Variants in MOK observed in about 807,000 individuals in gnomAD.
MOK encodes MOK protein kinase, also known as MAPK/MAK/MRK overlapping kinase.
MOK carries 59 observed loss-of-function variants against 54.2 expected under a neutral mutation model. The ratio of observed to expected loss-of-function variants is 1.09; its 90% CI spans 0.88 to 1.35. The LOEUF is 1.35. MOK is among the 40% of genes most tolerant of loss of function. The probability of loss-of-function intolerance (pLI) is 0.00; values close to 1 mark genes in which losing one functional copy is unlikely to be tolerated. For synonymous variants in MOK, 210 were observed against 202.7 expected, an observed-to-expected ratio of 1.04 and a Z score of -0.31; for missense variants, 517 against 526.2, an observed-to-expected ratio of 0.98 and a Z score of 0.17.
chr14:102,234,305 C>T (rs539834761), intron 7 of MOK, among the ~76,000 whole-genome samples: 49 of 151,996 alleles, frequency 3.2e-4, no homozygotes, highest in African/African-American at 1.0e-3. Context: ...TCCCCTTCCC[C>T]GAACCTGCCA....
downstream of MOK, chr14:102,226,262 G>T (rs557020354): frequency 8.7e-6 from 6 of 687,312 alleles, 1 homozygote; most frequent in South Asian, 9.3e-5. The surrounding 1 kb of genome is among the most constrained non-coding windows in gnomAD (Gnocchi z 4.8). Context: ...TCAGGAGGGT[G>T]AGGTGGGTGG....
intron 4 of MOK, among the ~76,000 whole-genome samples, chr14:102,252,332 G>A (rs1186207621): frequency 5.9e-5 from 9 of 152,006 alleles, no homozygotes; most frequent in African/African-American, 1.2e-4. Flanking sequence ...GCGGGTGCCT[G>A]TAATCTCAGC....
At chr14:102,258,774 T>C (rs1365582261) in intron 4 of MOK, among the ~76,000 whole-genome samples, 1 of 152,230 alleles carries the variant, frequency 6.6e-6, no homozygotes, top group Non-Finnish European at 1.5e-5. Context: ...CACTACACTA[T>C]ATACTCTTTC....
chr14:102,221,169 C>T (rs775768305), downstream of MOK, among the ~76,000 whole-genome samples: 2 of 152,160 alleles, frequency 1.3e-5, no homozygotes, highest in South Asian at 2.1e-4. This position sits in a 1 kb window ranked among gnomAD's most constrained non-coding sequence, Gnocchi z 4.8. Flanking sequence ...CCTGGCACTC[C>T]GTGAAAGGGG....
intron 2 of MOK, among the ~76,000 whole-genome samples, chr14:102,268,150 G>A (rs2068060417): frequency 6.6e-6 from 1 of 152,094 alleles, no homozygotes; most frequent in Admixed American, 6.6e-5. Flanking sequence ...CTTCTCCTCT[G>A]TAATAGGAAA....
Position 102,236,312 on chromosome 14 carries a change from T to A in MOK, c.591-2523A>T, listed in dbSNP as rs144324931. On this transcript the variant is annotated intron_variant, in intron 7 of 11. Coordinates refer to ENST00000361847, the MANE Select transcript of MOK (RefSeq NM_014226.3). The surrounding 1 kb of genome is among the most constrained non-coding windows in gnomAD (Gnocchi z 4.5). ...AGTAGCAGGTAAGCCGATCTCTTTT[T>A]AAATTGATAGCGGGGCCACCTACTC... Among the ~76,000 whole-genome samples, 1 of 152,360 alleles carries A rather than the reference T, an allele frequency of 6.6e-6. No individual in the cohort carries two copies. Among genetic ancestry groups the A allele is most frequent in the East Asian group, 1.9e-4 (1 of 5,192 alleles).
In MOK at chr14:102,249,360, C is replaced by T. The variant is rs1342584961; in HGVS notation, c.590+1452G>A. Among the ~76,000 whole-genome samples the T allele has an allele frequency of 6.6e-6, 1 of 152,066 alleles. No individual in the cohort carries two copies. The highest frequency in any genetic ancestry group is 2.4e-5 in the African/African-American group (1 of 41,386). On this transcript the variant is annotated intron_variant, in intron 7 of 11. Transcript: ENST00000361847. The surrounding 1 kb of genome is among the most constrained non-coding windows in gnomAD (Gnocchi z 5.3). ...GTCAGGTTTTGTCAACAAATGAGTC[C>T]CAAGAAACCTTTTGGTTTCCAGAGC...
Position 102,283,530 on chromosome 14 carries a change from G to C in MOK, c.70C>G (p.Leu24Val). ...CATGCATAGTAGTTTCCATCTCTCA[G>C]GCTTTGCATCTTCATAACTTCAGAA... ...TFSEVMKMQS[L>V]RDGNYYACKQ... The change falls in exon 2 of 12, where the codon CTG becomes GTG. Residue 24 changes from leucine (L) to valine (V), a missense_variant. Leu to Val is a conservative substitution (Grantham distance 32). Coordinates refer to ENST00000361847, the MANE Select transcript of MOK (RefSeq NM_014226.3). 6.2e-7 allele frequency: 1 copy of C among 1,612,530 alleles called. No individual in the cohort carries two copies. The highest frequency in any genetic ancestry group is 8.5e-7 in the Non-Finnish European group (1 of 1,179,784).
intron 1 of MOK, among the ~76,000 whole-genome samples, chr14:102,298,720 G>C (rs572497113): frequency 6.6e-6 from 1 of 152,168 alleles, no homozygotes; most frequent in Non-Finnish European, 1.5e-5. Flanking sequence ...ACATGCTCCA[G>C]TCCCCTTCCA....
intron 4 of MOK, among the ~76,000 whole-genome samples, chr14:102,257,933 C>T (rs566946576): frequency 1.3e-4 from 19 of 150,456 alleles, no homozygotes; most frequent in Admixed American, 2.7e-4. Flanking sequence ...GCAGAGATCA[C>T]GCCACTGCAC....
intron 10 of MOK, chr14:102,229,899 GC>G: frequency 1.9e-6 from 1 of 513,094 alleles, no homozygotes; most frequent in Non-Finnish European, 3.4e-6. Context: ...GCTGAGCAGT[GC>G]GGGCGGCAAA....
At chr14:102,300,321 C>A (rs1407978025) in intron 1 of MOK, among the ~76,000 whole-genome samples, 3 of 106,848 alleles carry the variant, frequency 2.8e-5, no homozygotes, top group African/African-American at 7.5e-5. Flanking sequence ...AAAACTCTAT[C>A]TCAAAAAAAA....
downstream of MOK, among the ~76,000 whole-genome samples, chr14:102,224,273 C>G (rs1240636898): frequency 6.6e-6 from 1 of 151,924 alleles, no homozygotes; most frequent in Non-Finnish European, 1.5e-5. Flanking sequence ...ATCTCCTGAC[C>G]TCGTGATCCG....
At chr14:102,223,192 A>C (rs2064110654), downstream of MOK, 2 of 164,180 alleles carry the variant, frequency 1.2e-5, no homozygotes, top group Non-Finnish European at 2.6e-5. Context: ...ACATATATAC[A>C]TAGTGTAAAA....
chr14:102,250,694 TA>T, intron 7 of MOK, 117 bp downstream of exon 7: 2 of 1,061,022 alleles, frequency 1.9e-6, no homozygotes, highest in Non-Finnish European at 2.7e-6. Flanking sequence ...TTAAAAACAG[TA>T]AAACAGAAAG....
At chr14:102,257,368 C>T (rs977810651) in intron 4 of MOK, among the ~76,000 whole-genome samples, 2 of 152,046 alleles carry the variant, frequency 1.3e-5, no homozygotes. Context: ...GCAGGGCCAG[C>T]AGCCTGATCA....
At position 102,234,346 on chromosome 14, in the gene MOK, T is replaced by C. The variant is rs80202653; in HGVS notation, c.591-557A>G. Among the ~76,000 whole-genome samples the C allele has an allele frequency of 5.7e-3, 855 of 149,666 alleles. 18 individuals are homozygous for C. The highest frequency in any genetic ancestry group is 0.038 in the East Asian group (179 of 4,766). On this transcript the variant is annotated intron_variant, in intron 7 of 11. Coordinates refer to ENST00000361847, the MANE Select transcript of MOK (RefSeq NM_014226.3). Reference sequence around the variant, plus strand: ...CCAGACAATCTCCTAGACTCTCCCATTGCTGGTGACTTCATCCACCATCAA... The same window carrying C: ...CCAGACAATCTCCTAGACTCTCCCACTGCTGGTGACTTCATCCACCATCAA...
At chr14:102,259,012 G>A (rs1179469432) in intron 4 of MOK, among the ~76,000 whole-genome samples, 1 of 151,484 alleles carries the variant, frequency 6.6e-6, no homozygotes, top group Non-Finnish European at 1.5e-5. Flanking sequence ...GATGCAGTGA[G>A]CTGAGATCGT....
downstream of MOK, among the ~76,000 whole-genome samples, chr14:102,221,843 A>G (rs1189780774): frequency 6.6e-6 from 1 of 152,212 alleles, no homozygotes; most frequent in Non-Finnish European, 1.5e-5. The surrounding 1 kb of genome is among the most constrained non-coding windows in gnomAD (Gnocchi z 4.8). Flanking sequence ...AACAGTACTC[A>G]TCAGCTGAAG....
Sources: allele counts gnomAD v4.1 joint callset (sites outside exome capture counted in the v4.1 genomes callset), GRCh38; gene constraint gnomAD v4.1.1; non-coding constraint Gnocchi (gnomAD v3.1); transcripts MANE v1.5; gene names NCBI Gene and HGNC (gene_info 2026-07-23, HGNC 2026-07-21).